CACNA1G: variants seen among roughly 807,000 people sequenced by gnomAD.
The protein encoded by CACNA1G is calcium voltage-gated channel subunit alpha1 G.
In CACNA1G, 67 loss-of-function variants were observed where a neutral mutation model predicts 219.4. The observed-to-expected ratio is 0.31, with a 90% CI of 0.25 to 0.37. The LOEUF (loss-of-function observed/expected upper bound fraction) is 0.37, where lower values mean the gene tolerates loss of function less well. CACNA1G is among the 10% of genes least tolerant of loss of function. CACNA1G has a pLI of 1.00. For missense variants in CACNA1G, 2,380 were observed against 3,231.4 expected (o/e 0.74, Z 6.39); for synonymous variants, 1,296 against 1,345.3 (o/e 0.96, Z 0.80).
At position 50,561,155 on chromosome 17, in the gene CACNA1G, G is replaced by A; in HGVS notation, c.-305G>A. ...GCCGAATCCGGCAACCGGAGCCTGG[G>A]CGCGAAGCGAAGAAGCCGGAACAAA... On this transcript the variant is annotated 5_prime_UTR_variant, in exon 1 of 38. Transcript: ENST00000359106. 1.9e-6 allele frequency: 1 copy of A among 537,694 alleles called. No individual in the cohort carries two copies. Among genetic ancestry groups the A allele is most frequent in the Non-Finnish European group, 3.4e-6 (1 of 290,388 alleles). The allele number at this position is 537,694 out of a possible 1,614,324, so 33.3% of individuals were successfully genotyped here. A position where few individuals can be genotyped will look rare whatever the true frequency, so the allele number is the denominator to read the frequency against.
At chr17:50,568,816 G>C (rs377637283) in intron 1 of CACNA1G, 54 bp from the exon 2 acceptor site, 3 of 1,426,596 alleles carry the variant, frequency 2.1e-6, no homozygotes, top group East Asian at 2.3e-5. Flanking sequence ...GGGCGGGGTC[G>C]GGGGGCCGGC....
chr17:50,575,716 G>C lies in CACNA1G; in HGVS notation c.1314G>C (p.Lys438Asn). ...GCAGCTGCTATGAGGAGCTGCTCAAGTACCTGGTGTACATCCTTCGTAAGG... is the reference window on the plus strand; with the variant it reads ...GCAGCTGCTATGAGGAGCTGCTCAACTACCTGGTGTACATCCTTCGTAAGG... ...EPGSCYEELL[K>N]YLVYILRKAA... Residue 438 changes from lysine (K) to asparagine (N), a missense_variant, in exon 8 of 38, where the codon AAG becomes AAC. Lys to Asn is a moderately conservative substitution (Grantham distance 94). Coordinates refer to ENST00000359106, the MANE Select transcript of CACNA1G (RefSeq NM_018896.5). 1 of 1,599,046 alleles carries C rather than the reference G, an allele frequency of 6.3e-7. No individual in the cohort carries two copies. Among genetic ancestry groups the C allele is most frequent in the Non-Finnish European group, 8.5e-7 (1 of 1,172,826 alleles).
chr17:50,617,662 G>A lies in CACNA1G; in HGVS notation c.5155+91G>A. 6.6e-7 allele frequency: 1 copy of A among 1,515,734 alleles called. No homozygotes were observed. Among genetic ancestry groups the A allele is most frequent in the Non-Finnish European group, 8.9e-7 (1 of 1,119,146 alleles). 93.9% of individuals were successfully genotyped at this position (1,515,734 alleles called of 1,614,324 possible). A position where few individuals can be genotyped will look rare whatever the true frequency, so the allele number is the denominator to read the frequency against. On this transcript the variant is annotated intron_variant, in intron 29 of 37. Coordinates refer to ENST00000359106, the MANE Select transcript of CACNA1G (RefSeq NM_018896.5). This position sits in a 1 kb window ranked among gnomAD's most constrained non-coding sequence, Gnocchi z 5.8. ...GGCTTTGTGGCTGGTCAAGGCCTGG[G>A]CGGCTGTGGGTTCCCATGGGTCTTT... is the stretch of plus-strand genomic sequence containing the variant.
intron 13 of CACNA1G, among the ~76,000 whole-genome samples, chr17:50,594,309 A>G (rs928149598): frequency 6.6e-6 from 1 of 152,248 alleles, no homozygotes; most frequent in Non-Finnish European, 1.5e-5. Flanking sequence ...ATAACATCAG[A>G]GCCATCATCT....
At position 50,623,045 on chromosome 17, in the gene CACNA1G, C is replaced by G. The variant is rs532039898; in HGVS notation, c.6061-862C>G. 7.5e-4 allele frequency among the ~76,000 whole-genome samples: 114 copies of G among 151,594 alleles called. 1 individual carries two copies. The highest frequency in any genetic ancestry group is 1.5e-4 in the Non-Finnish European group (10 of 67,896). On this transcript the variant is annotated intron_variant, in intron 35 of 37. Coordinates refer to ENST00000359106, the MANE Select transcript of CACNA1G (RefSeq NM_018896.5). ...TGCTCCTTGGGAGGGTCCTCTCCCC[C>G]TCACCTCCCCCACTGACAGCACAGG...
chr17:50,596,863 G>C lies in CACNA1G; in HGVS notation c.3198G>C (p.Ser1066=), dbSNP rs752739829. 8.8e-6 allele frequency: 14 copies of C among 1,595,496 alleles called. No individual in the cohort carries two copies. Among genetic ancestry groups the C allele is most frequent in the Admixed American group, 1.7e-5 (1 of 58,144 alleles). ...TGGGCGAGGCGCTGGGCCCTGCGTC[G>C]CGCCGCACCAGCAGCAGCGGGTCGG... ...TGLGEALGPA[S]RRTSSSGSAE... is the part of the protein sequence containing the mutation. Residue 1066 remains serine, a synonymous_variant, in exon 16 of 38, where the codon TCG becomes TCC. Transcript: ENST00000359106. The surrounding 1 kb of genome is among the most constrained non-coding windows in gnomAD (Gnocchi z 4.8).
At chr17:50,619,520 G>A (rs534795940) in intron 33 of CACNA1G, among the ~76,000 whole-genome samples, 163 bp from the exon 34 acceptor site, 1 of 149,342 alleles carries the variant, frequency 6.7e-6, no homozygotes, top group South Asian at 2.1e-4. Context: ...CTTTGTTGCT[G>A]TGTGTGTTTT....
In CACNA1G at chr17:50,621,682, C is replaced by G; in HGVS notation, c.5948C>G (p.Ala1983Gly). Reference sequence around the variant, plus strand: ...TAGATCCCTCTAGCTGAGATGGAGGCTCTGTCTCTGACGTCAGAGATTGTG... The same window carrying G: ...TAGATCCCTCTAGCTGAGATGGAGGGTCTGTCTCTGACGTCAGAGATTGTG... ...DPQIPLAEMEALSLTSEIVSE... is the reference protein window; with the variant it reads ...DPQIPLAEMEGLSLTSEIVSE... Residue 1983 changes from alanine to glycine, a missense_variant, in exon 35 of 38, where the codon GCT (alanine) becomes GGT (glycine). Around this residue, in one of 17 missense-constraint regions of CACNA1G, gnomAD observed 672 missense variants for 670.5 expected, o/e 1.00. Transcript: ENST00000359106. The surrounding 1 kb of genome is among the most constrained non-coding windows in gnomAD (Gnocchi z 4.6). 6.2e-7 allele frequency: 1 copy of G among 1,613,988 alleles called. No individual in the cohort carries two copies. Among genetic ancestry groups the G allele is most frequent in the South Asian group, 1.1e-5 (1 of 91,088 alleles).
intron 1 of CACNA1G, among the ~76,000 whole-genome samples, chr17:50,565,387 CG>C (rs1194421367): frequency 3.6e-5 from 5 of 139,156 alleles, no homozygotes; most frequent in Admixed American, 1.4e-4. Context: ...TGGGGTGGGG[CG>C]GGGGGTTCTG....
chr17:50,625,900 T>C, intron 37 of CACNA1G, 117 bp from the exon 38 acceptor site: 2 of 1,157,878 alleles, frequency 1.7e-6, no homozygotes, highest in Non-Finnish European at 2.5e-6. Context: ...GACCTCTGCT[T>C]AGGATAGTCC....
At chr17:50,594,840 CCT>C (rs1270303975) in intron 13 of CACNA1G, among the ~76,000 whole-genome samples, 151 bp from the exon 14 acceptor site, 2 of 152,088 alleles carry the variant, frequency 1.3e-5, no homozygotes, top group African/African-American at 4.8e-5. Flanking sequence ...TGTTCTGTCC[CCT>C]CTCTGCCCCC....
intron 1 of CACNA1G, among the ~76,000 whole-genome samples, chr17:50,567,726 T>A (rs1242097597): frequency 6.6e-6 from 1 of 152,110 alleles, no homozygotes; most frequent in African/African-American, 2.4e-5. Flanking sequence ...TCTCATATTT[T>A]CCTTAAAGAA....
intron 10 of CACNA1G, among the ~76,000 whole-genome samples, chr17:50,591,169 T>C (rs2044250888): frequency 6.6e-6 from 1 of 152,250 alleles, no homozygotes; most frequent in African/African-American, 2.4e-5. Flanking sequence ...CTTGATGCAG[T>C]TGCATTGGCC....
chr17:50,606,329 G>C, intron 23 of CACNA1G: 1 of 651,028 alleles, frequency 1.5e-6, no homozygotes, highest in South Asian at 1.7e-5. Context: ...TGGCAGTGGG[G>C]GCAGGCAGCC....
chr17:50,570,819 G>C (rs1340101636), intron 4 of CACNA1G, among the ~76,000 whole-genome samples: 1 of 152,214 alleles, frequency 6.6e-6, no homozygotes, highest in East Asian at 1.9e-4. Flanking sequence ...AAGGGGGATG[G>C]GGTAGGAGGA....
intron 10 of CACNA1G, among the ~76,000 whole-genome samples, 196 bp from the exon 11 acceptor site, chr17:50,591,239 G>A (rs1290909982): frequency 2.6e-5 from 4 of 152,212 alleles, no homozygotes; most frequent in Admixed American, 2.0e-4. Context: ...AGGAGAGGGC[G>A]GAGGGGGCCG....
Position 50,621,790 on chromosome 17 carries a change from G to A in CACNA1G, c.6056G>A (p.Ser2019Asn), listed in dbSNP as rs1353445177. Residue 2019 changes from serine to asparagine, a missense_variant, in exon 35 of 38, where the codon AGC (serine) becomes AAC (asparagine). Physicochemically the swap from Ser to Asn is conservative, Grantham distance 46. Around this residue, in one of 17 missense-constraint regions of CACNA1G, gnomAD observed 672 missense variants for 670.5 expected, o/e 1.00. Coordinates refer to ENST00000359106, the MANE Select transcript of CACNA1G (RefSeq NM_018896.5). The surrounding 1 kb of genome is among the most constrained non-coding windows in gnomAD (Gnocchi z 4.6). ...MHTLLLSALE[S>N]NMQPHPTELP... is the part of the protein sequence containing the mutation. ...ACACTCTTACTTAGTGCCCTGGAGA[G>A]CAATGTACATACACACTGCCCTCAC... 1 of 1,613,728 alleles carries A rather than the reference G, an allele frequency of 6.2e-7. No individual in the cohort carries two copies.
At chr17:50,564,133 T>A (rs2036947060) in intron 1 of CACNA1G, among the ~76,000 whole-genome samples, 1 of 146,970 alleles carries the variant, frequency 6.8e-6, no homozygotes, top group South Asian at 2.2e-4. Flanking sequence ...GAAGTGTGTG[T>A]GTGTGTGTGT....
chr17:50,570,288 G>A (rs954868335), intron 4 of CACNA1G, among the ~76,000 whole-genome samples: 5 of 151,810 alleles, frequency 3.3e-5, no homozygotes, highest in South Asian at 2.1e-4. Context: ...CCTCCTTCCC[G>A]CCCCCTTCCA....
Sources: allele counts gnomAD v4.1 joint callset (sites outside exome capture counted in the v4.1 genomes callset), GRCh38; gene constraint gnomAD v4.1.1; regional missense constraint gnomAD v4.1.1; non-coding constraint Gnocchi (gnomAD v3.1); transcripts MANE v1.5; gene names NCBI Gene and HGNC (gene_info 2026-07-23, HGNC 2026-07-21).